PEX1: variants seen among roughly 807,000 people sequenced by gnomAD.
The protein encoded by PEX1 is peroxisomal biogenesis factor 1.
A neutral mutation model predicts 152.5 loss-of-function variants in PEX1; 97 were observed. The ratio of observed to expected loss-of-function variants is 0.64; its 90% CI spans 0.54 to 0.75. The LOEUF is 0.75. PEX1 is among the 30% of genes least tolerant of loss of function. The pLI, the probability that PEX1 is intolerant of heterozygous loss-of-function variation, is 0.00. For synonymous variants in PEX1, 485 were observed against 531.6 expected (o/e 0.91, Z 1.21); for missense variants, 1,357 against 1,516.3 (o/e 0.89, Z 1.74).
chr7:92,522,169 T>C lies in PEX1; in HGVS notation c.206A>G (p.Gln69Arg), dbSNP rs1054597986. Reference protein sequence around the residue: ...SWVEGRHFSDQGENVAEINRQ... With the variant: ...SWVEGRHFSDRGENVAEINRQ... ...GTTAATTTCAGCCACATTTTCACCT[T>C]GATCACTAAAATGCCTGCCTTCCAC... The change falls in exon 2 of 24, where the codon CAA becomes CGA. Residue 69 changes from glutamine to arginine, a missense_variant. Gln to Arg is a conservative substitution (Grantham distance 43, BLOSUM62 1). Transcript: ENST00000248633. 6.2e-7 allele frequency: 1 copy of C among 1,614,182 alleles called. No individual in the cohort carries two copies.
intron 1 of PEX1, among the ~76,000 whole-genome samples, chr7:92,524,426 C>A (rs1259023733): frequency 6.6e-6 from 1 of 152,016 alleles, no homozygotes. Flanking sequence ...CACCAAATGC[C>A]CGGCTAATTT....
At chr7:92,490,103 T>TTATA (rs1791208774) in intron 21 of PEX1, 192 bp from the exon 22 acceptor site, 1 of 607,624 alleles carries the variant, frequency 1.6e-6, no homozygotes, top group African/African-American at 1.8e-5. Context: ...GATACCTGTG[T>TTATA]TATAGAACCA....
chr7:92,494,701 A>C, intron 17 of PEX1, 72 bp from the exon 18 acceptor site: 1 of 1,203,874 alleles, frequency 8.3e-7, no homozygotes, highest in South Asian at 1.3e-5. Context: ...ATATACATAT[A>C]TGAATGTATT....
In PEX1 at chr7:92,503,156, C is replaced by T; in HGVS notation, c.2111G>A (p.Ser704Asn). The change falls in exon 13 of 24, where the codon AGT becomes AAT. Residue 704 changes from serine (S) to asparagine (N), a missense_variant. Physicochemically the swap from Ser to Asn is conservative, Grantham distance 46 (BLOSUM62 1). Transcript: ENST00000248633. ...DMIKEFISMG[S>N]LVALIATSQS... is the part of the protein sequence containing the mutation. ...ACTTGTGGCAATCAGTGCAACCAAA[C>T]TTCCCATGGAGATAAACTCTTTTAT... is the stretch of plus-strand genomic sequence containing the variant. The T allele has an allele frequency of 1.9e-6, 3 of 1,613,788 alleles. No homozygotes were observed. Among genetic ancestry groups the T allele is most frequent in the Non-Finnish European group, 2.5e-6 (3 of 1,179,816 alleles).
At chr7:92,500,149 A>G (rs1467142446) in intron 15 of PEX1, among the ~76,000 whole-genome samples, 4 of 152,244 alleles carry the variant, frequency 2.6e-5, no homozygotes, top group Admixed American at 6.5e-5. Context: ...CAATCTTTTA[A>G]CAAGTATAGT....
chr7:92,506,461 CAAA>C (rs1317451658), intron 10 of PEX1, 117 bp from the exon 11 acceptor site: 5 of 731,010 alleles, frequency 6.8e-6, no homozygotes, highest in Non-Finnish European at 9.8e-6. Flanking sequence ...TCCAAAAAAA[CAAA>C]AGAAGAGGAG....
chr7:92,507,154 T>C lies in PEX1; in HGVS notation c.1671-28A>G, dbSNP rs1562858145. On this transcript the variant is annotated intron_variant, in intron 9 of 23. Transcript: ENST00000248633. ...GTAAAAAATATACATAGTTACATGATAAAAGACTGAAGCAGGATAAAATTT... is the reference window on the plus strand; with the variant it reads ...GTAAAAAATATACATAGTTACATGACAAAAGACTGAAGCAGGATAAAATTT... The C allele has an allele frequency of 2.5e-6, 4 of 1,605,892 alleles. No individual in the cohort carries two copies. The East Asian group carries it at 8.9e-5, about 36-fold the overall frequency.
At chr7:92,512,214 G>T (rs1044249338) in intron 6 of PEX1, among the ~76,000 whole-genome samples, 1 of 152,186 alleles carries the variant, frequency 6.6e-6, no homozygotes, top group Non-Finnish European at 1.5e-5. Flanking sequence ...TAGACATGGG[G>T]TTTCACCATG....
chr7:92,492,851 C>T (rs923351064), intron 20 of PEX1, 102 bp downstream of exon 20: 44 of 893,292 alleles, frequency 4.9e-5, no homozygotes, highest in Non-Finnish European at 8.0e-5. Context: ...TACAGTTTTA[C>T]CAAAGTTGTT....
chr7:92,517,776 T>C lies in PEX1; in HGVS notation c.739A>G (p.Thr247Ala), dbSNP rs752545253. 3.8e-6 allele frequency: 6 copies of C among 1,580,128 alleles called. No individual in the cohort carries two copies. The Admixed American group carries it at 1.1e-4, about 29-fold the overall frequency. Residue 247 changes from threonine to alanine, a missense_variant, in exon 5 of 24, where the codon ACT becomes GCT. Thr to Ala is a moderately conservative substitution (Grantham distance 58). Transcript: ENST00000248633. ...VDSSSVASLWTMIGSIFSFQS... is the reference protein window; with the variant it reads ...VDSSSVASLWAMIGSIFSFQS... ...AAGGAAAAAATGCTTCCTATCATAG[T>C]CCATAAACTTGCTACTGATGATGAG...
Position 92,493,030 on chromosome 7 carries a change from C to T in PEX1, c.3130G>A (p.Gly1044Arg), listed in dbSNP as rs371136331. Residue 1044 changes from glycine (G) to arginine (R), a missense_variant, in exon 20 of 24, where the codon GGA becomes AGA. Transcript: ENST00000248633. ...HVASVTDSFT[G>R]ADLKALLYNA... ...TAAAGTAAAGCTTTCAGATCAGCTC[C>T]AGTAAAGGAGTCAGTTACTGATGCT... is the stretch of plus-strand genomic sequence containing the variant. 14 of 1,612,962 alleles carry T rather than the reference C, an allele frequency of 8.7e-6. No individual in the cohort carries two copies. In the African/African-American group the frequency reaches 1.7e-4, roughly 20 times the overall value.
At chr7:92,525,400 T>C (rs17759720) in intron 1 of PEX1, among the ~76,000 whole-genome samples, 19,113 of 152,298 alleles carry the variant, frequency 0.13, 1,254 homozygotes, top group African/African-American at 0.15. Flanking sequence ...TGTGTGGCCA[T>C]ATCCGAATGG....
chr7:92,504,784 G>A lies in PEX1; in HGVS notation c.2019C>T (p.Val673=), dbSNP rs368345209. ...DLDLIAGLPA[V]PEHEHSPDAV... ...CATCAGGACTGTGCTCATGTTCCGG[G>A]ACAGCAGGCAGTCCAGCAATGAGGT... Residue 673 remains valine (V), a synonymous_variant, in exon 12 of 24, where the codon GTC becomes GTT. Coordinates refer to ENST00000248633, the MANE Select transcript of PEX1 (RefSeq NM_000466.3). The A allele has an allele frequency of 6.2e-7, 1 of 1,614,196 alleles. No individual in the cohort carries two copies. Among genetic ancestry groups the A allele is most frequent in the Non-Finnish European group, 8.5e-7 (1 of 1,180,030 alleles).
intron 2 of PEX1, among the ~76,000 whole-genome samples, 176 bp downstream of exon 2, chr7:92,521,911 TATGGTAAACTACAAG>T (rs1793066651): frequency 6.6e-6 from 1 of 151,994 alleles, no homozygotes; most frequent in Non-Finnish European, 1.5e-5. Context: ...AAGTAGGGAG[TATGGTAAACTACAAG>T]ATAATGACCT....
At chr7:92,499,286 A>G (rs1334740702) in intron 16 of PEX1, among the ~76,000 whole-genome samples, 2 of 152,248 alleles carry the variant, frequency 1.3e-5, no homozygotes, top group African/African-American at 2.4e-5. Flanking sequence ...CATTATTCAT[A>G]ATAGTCAAAA....
Position 92,506,323 on chromosome 7 carries a change from C to T in PEX1, c.1825G>A (p.Ala609Thr). Residue 609 changes from alanine (A) to threonine (T), a missense_variant, in exon 11 of 24, where the codon GCC becomes ACC. By Grantham distance (58) the Ala-to-Thr change is moderately conservative. Coordinates refer to ENST00000248633, the MANE Select transcript of PEX1 (RefSeq NM_000466.3). ...GGKGSGKSTL[A>T]KAICKEAFDK... ...AATGCTTCTTTACAGATTGCTTTGG[C>T]TAAAGTTGATTTTCCACTTCCCTAG... The T allele has an allele frequency of 6.2e-7, 1 of 1,609,564 alleles. No individual in the cohort carries two copies. Among genetic ancestry groups the T allele is most frequent in the Middle Eastern group, 1.7e-4 (1 of 6,050 alleles).
At chr7:92,524,582 G>A (rs1169699233) in intron 1 of PEX1, among the ~76,000 whole-genome samples, 4 of 152,152 alleles carry the variant, frequency 2.6e-5, no homozygotes, top group Non-Finnish European at 4.4e-5. Flanking sequence ...TTCTTTAAAT[G>A]AGACAAATTT....
chr7:92,503,211 A>G lies in PEX1; in HGVS notation c.2072-16T>C, dbSNP rs1215078278. The G allele has an allele frequency of 6.2e-7, 1 of 1,610,028 alleles. No individual in the cohort carries two copies. The highest frequency in any genetic ancestry group is 8.5e-7 in the Non-Finnish European group (1 of 1,176,840). On this transcript the variant is annotated splice_polypyrimidine_tract_variant and intron_variant, in intron 12 of 23. Transcript: ENST00000248633. The stretch of plus-strand genomic sequence containing the variant: ...TCATTCAAAGCTGGAATTAAGCAAT[A>G]TAGTGCAAAAGCTTAGGAAAAGTAA...
At chr7:92,521,636 C>T in intron 2 of PEX1, among the ~76,000 whole-genome samples, 1 of 151,788 alleles carries the variant, frequency 6.6e-6, no homozygotes, top group East Asian at 2.0e-4. Flanking sequence ...GGGGTTTCAC[C>T]ACGTTGGGCA....
Sources: allele counts gnomAD v4.1 joint callset (sites outside exome capture counted in the v4.1 genomes callset), GRCh38; gene constraint gnomAD v4.1.1; transcripts MANE v1.5; gene names NCBI Gene and HGNC (gene_info 2026-07-23, HGNC 2026-07-21).